GNRHR: variants seen among roughly 807,000 people sequenced by gnomAD.
GNRHR encodes gonadotropin-releasing hormone receptor.
A neutral mutation model predicts 28.1 loss-of-function variants in GNRHR; 14 were observed. That is an observed-to-expected ratio of 0.50 (90% CI 0.33 to 0.78). The LOEUF (loss-of-function observed/expected upper bound fraction) is 0.78. Among genes scored for constraint, GNRHR ranks in the 30% least tolerant of loss-of-function variants. The pLI is 0.02. For synonymous variants in GNRHR, 141 were observed against 140.5 expected (o/e 1.00, Z -0.02); for missense variants, 366 against 382.1 (o/e 0.96, Z 0.35).
chr4:67,740,721 A>C lies in GNRHR; in HGVS notation c.746T>G (p.Leu249Arg), dbSNP rs746861473. 5.6e-6 allele frequency: 9 copies of C among 1,610,022 alleles called. No individual in the cohort carries two copies. The highest frequency in any genetic ancestry group is 1.6e-4 in the Middle Eastern group (1 of 6,080). ...TRVLHQDPHE[L>R]QLNQSKNNIP... The stretch of plus-strand genomic sequence containing the variant: ...ATTGTTCTTGGACTGATTCAGTTGT[A>C]GTTCTGTTGGATAGAGAAAAGAGCA... Residue 249 changes from leucine to arginine, a missense_variant, in exon 3 of 3, where the codon CTA (leucine) becomes CGA (arginine). By Grantham distance (102) the Leu-to-Arg change is moderately radical. Transcript: ENST00000226413.
At chr4:67,752,622 A>C (rs1731890824) in intron 1 of GNRHR, among the ~76,000 whole-genome samples, 1 of 152,150 alleles carries the variant, frequency 6.6e-6, no homozygotes, top group Admixed American at 6.5e-5. Context: ...GTATTGCATC[A>C]CTGTGAAATA....
At chr4:67,740,986 T>G (rs1032367297) in intron 2 of GNRHR, among the ~76,000 whole-genome samples, 1 of 152,228 alleles carries the variant, frequency 6.6e-6, no homozygotes, top group Non-Finnish European at 1.5e-5. Context: ...GTACTCAAAC[T>G]CTTAACATAT....
At chr4:67,745,693 T>C (rs1425703261) in intron 1 of GNRHR, among the ~76,000 whole-genome samples, 1 of 152,122 alleles carries the variant, frequency 6.6e-6, no homozygotes, top group African/African-American at 2.4e-5. Flanking sequence ...AGGAATACAA[T>C]AATAACTTTA....
intron 1 of GNRHR, among the ~76,000 whole-genome samples, chr4:67,745,587 A>G (rs1731740075): frequency 1.3e-5 from 2 of 152,124 alleles, no homozygotes; most frequent in African/African-American, 4.8e-5. Flanking sequence ...AGCAAGAATC[A>G]TCAATAGCTG....
intron 1 of GNRHR, among the ~76,000 whole-genome samples, chr4:67,752,544 T>A (rs907528332): frequency 6.6e-6 from 1 of 152,130 alleles, no homozygotes; most frequent in Non-Finnish European, 1.5e-5. Context: ...ATGTGGAAAA[T>A]TTTAAGAGCA....
rs1337926252 is a variant in GNRHR, at chr4:67,738,388, CA to C, written c.*2091del. 6.6e-6 allele frequency among the ~76,000 whole-genome samples: 1 copy of C among 150,756 alleles called. No homozygotes were observed. The highest frequency in any genetic ancestry group is 1.5e-5 in the Non-Finnish European group (1 of 67,626). On this transcript the variant is annotated 3_prime_UTR_variant, in exon 3 of 3. Transcript: ENST00000226413. ...TACATTGAAATATATATATTTTTTG[CA>C]TGAAATGTAGGTTAAGAACCCCTGA... is the stretch of plus-strand genomic sequence containing the variant.
Position 67,754,057 on chromosome 4 carries a change from A to G in GNRHR, c.279T>C (p.Ile93=). 1 of 1,614,168 alleles carries G rather than the reference A, an allele frequency of 6.2e-7. No individual in the cohort carries two copies. Among genetic ancestry groups the G allele is most frequent in the Non-Finnish European group, 8.5e-7 (1 of 1,179,990 alleles). Residue 93 remains isoleucine (I), a synonymous_variant, in exon 1 of 3, where the codon ATT becomes ATC. Coordinates refer to ENST00000226413, the MANE Select transcript of GNRHR (RefSeq NM_000406.3). ...TCCACATCCCATCCAGTGGCATGAC[A>G]ATCAGAGTCTCCAACAGGTTGGCTA... ...LTLANLLETL[I]VMPLDGMWNI... is the part of the protein sequence containing the mutation.
chr4:67,753,589 A>G (rs896355404), intron 1 of GNRHR: 8 of 580,002 alleles, frequency 1.4e-5, no homozygotes. Context: ...TTAAGTAAGC[A>G]TTAACCCCCA....
At chr4:67,753,568 C>T (rs1240130616) in intron 1 of GNRHR, 1 of 517,056 alleles carries the variant, frequency 1.9e-6, no homozygotes, top group African/African-American at 1.9e-5. Context: ...TTATTCATCA[C>T]AAAAGCAGTA....
At chr4:67,750,723 G>A (rs1002528308) in intron 1 of GNRHR, among the ~76,000 whole-genome samples, 3 of 151,656 alleles carry the variant, frequency 2.0e-5, no homozygotes, top group African/African-American at 7.3e-5. Flanking sequence ...TTTCAACTGA[G>A]GTATGAATTA....
intron 1 of GNRHR, among the ~76,000 whole-genome samples, chr4:67,746,382 A>G (rs1457840983): frequency 1.3e-5 from 2 of 152,106 alleles, no homozygotes; most frequent in East Asian, 3.9e-4. Context: ...AAACTGAATC[A>G]ACAATTAAGA....
Position 67,740,649 on chromosome 4 carries a change from G to T in GNRHR, c.818C>A (p.Ala273Asp). 6.2e-7 allele frequency: 1 copy of T among 1,607,322 alleles called. No homozygotes were observed. The highest frequency in any genetic ancestry group is 8.5e-7 in the Non-Finnish European group (1 of 1,173,810). The change falls in exon 3 of 3, where the codon GCC becomes GAC. Residue 273 changes from alanine (A) to aspartate (D), a missense_variant. Coordinates refer to ENST00000226413, the MANE Select transcript of GNRHR (RefSeq NM_000406.3). ...AGTCCAGCAGACAGTAAATGAAGTG[G>T]CAAATGCAACCGTCATTTTTAGAGT... ...LKTLKMTVAF[A>D]TSFTVCWTPY...
chr4:67,741,575 A>T (rs1054006762), intron 2 of GNRHR, among the ~76,000 whole-genome samples: 13 of 152,116 alleles, frequency 8.5e-5, no homozygotes, highest in African/African-American at 3.1e-4. Flanking sequence ...TAGTAGTGGG[A>T]TTGCTGGATC....
Position 67,754,142 on chromosome 4 carries a change from T to G in GNRHR, c.194A>C (p.Gln65Pro). ...SFLLKLQKWT[Q>P]KKEKGKKLSR... ...GAGCTTTTTCCCTTTCTCTTTCTTCTGTGTCCACTTCTGAAGTTTCAACAA... is the reference window on the plus strand; with the variant it reads ...GAGCTTTTTCCCTTTCTCTTTCTTCGGTGTCCACTTCTGAAGTTTCAACAA... The change falls in exon 1 of 3, where the codon CAG becomes CCG. Residue 65 changes from glutamine (Q) to proline (P), a missense_variant. Physicochemically the swap from Gln to Pro is moderately conservative, Grantham distance 76. Transcript: ENST00000226413. 2 of 1,614,076 alleles carry G rather than the reference T, an allele frequency of 1.2e-6. No homozygotes were observed. The highest frequency in any genetic ancestry group is 1.7e-6 in the Non-Finnish European group (2 of 1,179,912).
intron 1 of GNRHR, among the ~76,000 whole-genome samples, chr4:67,753,330 A>C (rs138929406): frequency 6.6e-6 from 1 of 152,360 alleles, no homozygotes; most frequent in East Asian, 1.9e-4. Context: ...AATTCTTAAA[A>C]TTTCCACTGA....
At chr4:67,748,376 G>T (rs1250112595) in intron 1 of GNRHR, among the ~76,000 whole-genome samples, 1 of 152,088 alleles carries the variant, frequency 6.6e-6, no homozygotes, top group African/African-American at 2.4e-5. Context: ...CTGGAACACA[G>T]CACTTTATAA....
At chr4:67,753,362 T>C (rs1185691475) in intron 1 of GNRHR, among the ~76,000 whole-genome samples, 3 of 152,182 alleles carry the variant, frequency 2.0e-5, no homozygotes, top group African/African-American at 4.8e-5. Flanking sequence ...ATAAGAAACA[T>C]TATAAATATT....
chr4:67,749,134 C>A (rs1731819775), intron 1 of GNRHR, among the ~76,000 whole-genome samples: 1 of 152,072 alleles, frequency 6.6e-6, no homozygotes. Context: ...TATGTTGTAG[C>A]ACAATGTTAG....
intron 1 of GNRHR, among the ~76,000 whole-genome samples, chr4:67,747,757 G>T (rs1274232803): frequency 6.6e-6 from 1 of 151,956 alleles, no homozygotes; most frequent in Non-Finnish European, 1.5e-5. Context: ...ACTATAGCTG[G>T]CATTCTCTGT....
Sources: gnomAD v4.1 joint callset for allele counts (sites outside exome capture counted in the v4.1 genomes callset) on GRCh38, gnomAD v4.1.1 for gene constraint, MANE v1.5 for transcripts, NCBI Gene and HGNC (gene_info 2026-07-23, HGNC 2026-07-21) for gene names.